The following DPP10 variants were observed in gnomAD, a reference collection of about 807,000 sequenced individuals.
DPP10 encodes dipeptidyl peptidase like 10, also known as inactive dipeptidyl peptidase 10.
In DPP10, 33 loss-of-function variants were observed where a neutral mutation model predicts 120.9. The ratio of observed to expected loss-of-function variants is 0.27; its 90% CI spans 0.21 to 0.37. The LOEUF is 0.37. Ranked by LOEUF, DPP10 falls within the 10% of genes least tolerant of loss-of-function variation. The pLI, the probability that DPP10 is intolerant of heterozygous loss-of-function variation, is 1.00. For missense variants in DPP10, 816 were observed against 942.8 expected (o/e 0.87, Z 1.76); for synonymous variants, 337 against 326.1 (o/e 1.03, Z -0.36).
intron 1 of DPP10, among the ~76,000 whole-genome samples, chr2:115,088,068 G>T (rs1013693979): frequency 6.6e-6 from 1 of 152,178 alleles, no homozygotes; most frequent in African/African-American, 2.4e-5. Flanking sequence ...TTGGTTTATA[G>T]ATGGTGCTTT....
chr2:115,173,589 A>G (rs941637527), intron 1 of DPP10, among the ~76,000 whole-genome samples: 4 of 152,200 alleles, frequency 2.6e-5, no homozygotes, highest in Non-Finnish European at 5.9e-5. Context: ...TTTAAGGAGA[A>G]AATATCTGTT....
At chr2:115,354,383 A>C (rs756161529) in intron 3 of DPP10, among the ~76,000 whole-genome samples, 1 of 151,836 alleles carries the variant, frequency 6.6e-6, no homozygotes. Flanking sequence ...CTTTATGTCT[A>C]TGGGTACCCA....
Position 114,627,676 on chromosome 2 carries a change from T to C in DPP10, c.60+184838T>C, listed in dbSNP as rs2105358913. 2.6e-5 allele frequency among the ~76,000 whole-genome samples: 4 copies of C among 152,182 alleles called. No homozygotes were observed. The South Asian group carries it at 8.3e-4, about 32-fold the overall frequency. On this transcript the variant is annotated intron_variant, in intron 1 of 25. Transcript: ENST00000410059. ...TATGAGCTGCAGGGCTAATTGGATGTAATTTGGAGATTTCAAAGAACACTG... is the reference window on the plus strand; with the variant it reads ...TATGAGCTGCAGGGCTAATTGGATGCAATTTGGAGATTTCAAAGAACACTG...
chr2:114,736,437 A>G (rs10177370), intron 1 of DPP10, among the ~76,000 whole-genome samples: 1 of 152,222 alleles, frequency 6.6e-6, no homozygotes, highest in Non-Finnish European at 1.5e-5. Context: ...ATTTACATGC[A>G]TACAGGGCAA....
chr2:115,219,427 T>C (rs897368680), intron 1 of DPP10, among the ~76,000 whole-genome samples: 1 of 152,134 alleles, frequency 6.6e-6, no homozygotes, highest in African/African-American at 2.4e-5. Context: ...GTTCCGTAAG[T>C]GTATACACAC....
chr2:115,350,544 C>T (rs934908607), intron 3 of DPP10, among the ~76,000 whole-genome samples: 2 of 152,060 alleles, frequency 1.3e-5, no homozygotes, highest in African/African-American at 4.8e-5. Context: ...TTCAGCTAGA[C>T]AAATATTAAT....
rs1055713446 is a variant in DPP10 at position 115,832,127 on chromosome 2, T to C, written c.1951-4030T>C. ...TGAAGTAAATTTTCCAAAAACTCTT[T>C]TGTGATATACTATTGCATTCTGTAA... On this transcript the variant is annotated intron_variant, in intron 21 of 25. Coordinates refer to ENST00000410059, the MANE Select transcript of DPP10 (RefSeq NM_020868.6). 8.5e-5 allele frequency among the ~76,000 whole-genome samples: 13 copies of C among 152,222 alleles called. 1 individual carries two copies. Among genetic ancestry groups the C allele is most frequent in the Admixed American group, 1.3e-4 (2 of 15,286 alleles).
chr2:115,604,564 CT>C, intron 5 of DPP10, among the ~76,000 whole-genome samples: 1 of 152,298 alleles, frequency 6.6e-6, no homozygotes, highest in Admixed American at 6.5e-5. Context: ...TGATTCACAA[CT>C]AGTGTCTCTT....
intron 1 of DPP10, among the ~76,000 whole-genome samples, chr2:114,525,038 G>A (rs1368671320): frequency 1.3e-5 from 2 of 152,196 alleles, no homozygotes; most frequent in Non-Finnish European, 2.9e-5. Context: ...CCCAAAATGT[G>A]TGTGGAAGGC....
intron 5 of DPP10, among the ~76,000 whole-genome samples, chr2:115,644,297 T>G (rs2087039256): frequency 6.6e-6 from 1 of 152,140 alleles, no homozygotes; most frequent in Non-Finnish European, 1.5e-5. Context: ...TATCTCCTAA[T>G]GCTATCCCTC....
chr2:114,755,333 AC>A (rs1679627652), intron 1 of DPP10, among the ~76,000 whole-genome samples: 1 of 152,110 alleles, frequency 6.6e-6, no homozygotes, highest in South Asian at 2.1e-4. Context: ...TCACTCTGTT[AC>A]CCAGGCTGGA....
rs962912628 is a variant in DPP10, at chr2:115,230,630, T to C, written c.61-78609T>C. On this transcript the variant is annotated intron_variant, in intron 1 of 25. Transcript: ENST00000410059. ...AAATTATTTGTAAACATTTCAATTG[T>C]AATAAGTATTGCATTTAATGAAAAA... 3.3e-5 allele frequency among the ~76,000 whole-genome samples: 5 copies of C among 152,156 alleles called. No individual in the cohort carries two copies. The East Asian group carries it at 9.6e-4, about 29-fold the overall frequency.
intron 4 of DPP10, among the ~76,000 whole-genome samples, chr2:115,523,296 G>A (rs778141619): frequency 6.7e-6 from 1 of 149,530 alleles, no homozygotes; most frequent in East Asian, 2.0e-4. Context: ...CTGTGAAAGC[G>A]TGAAGTTAAT....
At position 114,983,055 on chromosome 2, in the gene DPP10, C is replaced by T. The variant is rs193300585; in HGVS notation, c.61-326184C>T. Among the ~76,000 whole-genome samples, 208 of 152,192 alleles carry T rather than the reference C, an allele frequency of 1.4e-3. 1 individual carries two copies. The highest frequency in any genetic ancestry group is 1.8e-3 in the Non-Finnish European group (121 of 68,004). ...CCCATTTTCTTTTATATAATATTAA[C>T]AACACTATTCAGAGCTAAGACGCAT... On this transcript the variant is annotated intron_variant, in intron 1 of 25. Coordinates refer to ENST00000410059, the MANE Select transcript of DPP10 (RefSeq NM_020868.6).
intron 1 of DPP10, among the ~76,000 whole-genome samples, chr2:114,519,415 G>T (rs1684867723): frequency 6.6e-6 from 1 of 152,148 alleles, no homozygotes. Flanking sequence ...CTATCCTTTG[G>T]CCAGTGCCAT....
intron 1 of DPP10, among the ~76,000 whole-genome samples, chr2:115,118,576 GT>G (rs1444719312): frequency 6.6e-6 from 1 of 152,014 alleles, no homozygotes; most frequent in Non-Finnish European, 1.5e-5. Flanking sequence ...TTTTTGTTTT[GT>G]TTTTTGTTTC....
chr2:115,582,134 T>G (rs2082034131), intron 5 of DPP10, among the ~76,000 whole-genome samples: 1 of 152,022 alleles, frequency 6.6e-6, no homozygotes, highest in Non-Finnish European at 1.5e-5. Context: ...TTGACTTGGG[T>G]CTTTAATATA....
At chr2:115,116,909 A>T (rs2049539948) in intron 1 of DPP10, among the ~76,000 whole-genome samples, 1 of 152,214 alleles carries the variant, frequency 6.6e-6, no homozygotes, top group Non-Finnish European at 1.5e-5. Flanking sequence ...ATAAATTTTT[A>T]TCAGATTTCT....
chr2:115,543,412 C>T (rs1427199328), intron 5 of DPP10, among the ~76,000 whole-genome samples: 1 of 152,020 alleles, frequency 6.6e-6, no homozygotes, highest in African/African-American at 2.4e-5. Context: ...TGAACTGGTG[C>T]TTGGGGGACT....
Sources: gnomAD v4.1 joint callset for allele counts (sites outside exome capture counted in the v4.1 genomes callset) on GRCh38, gnomAD v4.1.1 for gene constraint, MANE v1.5 for transcripts, NCBI Gene and HGNC (gene_info 2026-07-23, HGNC 2026-07-21) for gene names.